RBPMS: variants seen among roughly 807,000 people sequenced by gnomAD.
RBPMS encodes RNA-binding protein with multiple splicing.
RBPMS carries 7 observed loss-of-function variants against 26.8 expected under a neutral mutation model. That is an observed-to-expected ratio of 0.26 (90% CI 0.15 to 0.49). The LOEUF is 0.49. RBPMS is among the 20% of genes least tolerant of loss of function. RBPMS has a pLI of 0.98. For synonymous variants in RBPMS, 96 were observed against 93.3 expected (o/e 1.03, Z -0.17); for missense variants, 186 against 250.0 (o/e 0.74, Z 1.73).
chr8:30,556,973 GAA>G (rs1372120618), intron 6 of RBPMS, among the ~76,000 whole-genome samples: 1 of 152,072 alleles, frequency 6.6e-6, no homozygotes, highest in Middle Eastern at 3.2e-3. Flanking sequence ...TCCTGCCTGG[GAA>G]AAGTTTCTGA....
At chr8:30,467,332 A>C (rs950590417) in intron 1 of RBPMS, among the ~76,000 whole-genome samples, 8 of 152,230 alleles carry the variant, frequency 5.3e-5, no homozygotes, top group Non-Finnish European at 1.5e-5. Context: ...ATTTAAAAAG[A>C]GTAAAAGAAG....
intron 4 of RBPMS, among the ~76,000 whole-genome samples, chr8:30,488,901 C>G (rs183724257): frequency 1.3e-5 from 2 of 152,122 alleles, no homozygotes; most frequent in Non-Finnish European, 2.9e-5. Context: ...CCGAATCCAG[C>G]GGACCTGATT....
At chr8:30,409,490 G>A (rs4458838) in intron 1 of RBPMS, among the ~76,000 whole-genome samples, 53,409 of 151,928 alleles carry the variant, frequency 0.35, 9,497 homozygotes, top group South Asian at 0.54. Context: ...ACCACGCCCG[G>A]CCTAGAGTGT....
chr8:30,568,951 G>A (rs376996867), intron 8 of RBPMS, among the ~76,000 whole-genome samples: 1 of 149,768 alleles, frequency 6.7e-6, no homozygotes, highest in Non-Finnish European at 1.5e-5. Context: ...ACTTGCTCCC[G>A]CCCTCCTCCT....
At chr8:30,500,319 C>A (rs1418554306) in intron 4 of RBPMS, among the ~76,000 whole-genome samples, 1 of 150,366 alleles carries the variant, frequency 6.7e-6, no homozygotes. Context: ...TACCCCCATA[C>A]TACCAAACAT....
At chr8:30,456,775 G>T (rs1445238397) in intron 1 of RBPMS, among the ~76,000 whole-genome samples, 1 of 152,156 alleles carries the variant, frequency 6.6e-6, no homozygotes, top group African/African-American at 2.4e-5. Flanking sequence ...ACAAAAATTA[G>T]CTGGGCATGG....
intron 4 of RBPMS, among the ~76,000 whole-genome samples, chr8:30,481,331 CTG>C (rs35009607): frequency 0.062 from 9,368 of 152,110 alleles, 930 homozygotes; most frequent in African/African-American, 0.21. Context: ...TCAAAAAAAA[CTG>C]TGTTTCCTCA....
chr8:30,571,239 G>A lies in RBPMS; in HGVS notation c.*714G>A, dbSNP rs1038067103. The A allele has an allele frequency of 6.6e-6, 1 of 152,140 alleles. No individual in the cohort carries two copies. The highest frequency in any genetic ancestry group is 2.4e-5 in the African/African-American group (1 of 41,398). The allele number at this position is 152,140 out of a possible 1,614,324, so 9.4% of individuals were successfully genotyped here. ...TCTACCTATGGCTTATTCACAACTG[G>A]GCAAGAAAACATCATTGGTAAGAAC... On this transcript the variant is annotated 3_prime_UTR_variant, in exon 9 of 9. Coordinates refer to ENST00000397323, the MANE Select transcript of RBPMS (RefSeq NM_001008710.3).
intron 1 of RBPMS, among the ~76,000 whole-genome samples, chr8:30,438,267 C>T (rs921960293): frequency 6.6e-6 from 1 of 152,186 alleles, no homozygotes; most frequent in Non-Finnish European, 1.5e-5. Flanking sequence ...TGGCCTTTTA[C>T]TTTCCATGTT....
intron 5 of RBPMS, among the ~76,000 whole-genome samples, chr8:30,522,235 T>A (rs1181355382): frequency 6.6e-6 from 1 of 150,754 alleles, no homozygotes; most frequent in Non-Finnish European, 1.5e-5. Flanking sequence ...GGAGTTCTAG[T>A]CCAGCTTGGG....
At chr8:30,428,107 T>TCCGC (rs1020857614) in intron 1 of RBPMS, among the ~76,000 whole-genome samples, 16 of 141,768 alleles carry the variant, frequency 1.1e-4, no homozygotes, top group African/African-American at 4.2e-4. Context: ...CTCTGCAACC[T>TCCGC]CCGCTTCCTG....
At chr8:30,506,857 A>C (rs996392905) in intron 5 of RBPMS, among the ~76,000 whole-genome samples, 7 of 152,218 alleles carry the variant, frequency 4.6e-5, no homozygotes, top group Non-Finnish European at 8.8e-5. Context: ...TGAACTCTCA[A>C]TTCTCCATAA....
At chr8:30,388,043 G>A (rs1807318914) in intron 1 of RBPMS, among the ~76,000 whole-genome samples, 1 of 152,124 alleles carries the variant, frequency 6.6e-6, no homozygotes. Context: ...AGTTGTGTAA[G>A]AGAGATGATA....
intron 5 of RBPMS, among the ~76,000 whole-genome samples, chr8:30,517,291 A>G (rs10503869): frequency 0.051 from 7,700 of 150,468 alleles, 280 homozygotes; most frequent in South Asian, 0.1. Flanking sequence ...GGCAGAAATG[A>G]TGGTCGCTTA....
chr8:30,389,067 C>A (rs1294207766), intron 1 of RBPMS, among the ~76,000 whole-genome samples: 1 of 152,128 alleles, frequency 6.6e-6, no homozygotes, highest in African/African-American at 2.4e-5. Flanking sequence ...GATGTGGCAA[C>A]CTCAAATTTT....
intron 1 of RBPMS, among the ~76,000 whole-genome samples, chr8:30,464,753 AAG>A (rs1266805501): frequency 6.6e-6 from 1 of 152,202 alleles, no homozygotes; most frequent in Non-Finnish European, 1.5e-5. Flanking sequence ...ATTATGCAAA[AAG>A]AGAAAGGAAG....
At chr8:30,463,330 A>G (rs1816150506) in intron 1 of RBPMS, among the ~76,000 whole-genome samples, 1 of 152,226 alleles carries the variant, frequency 6.6e-6, no homozygotes, top group African/African-American at 2.4e-5. Flanking sequence ...ATAAGGTTGG[A>G]ATCACAACAT....
At position 30,511,486 on chromosome 8, in the gene RBPMS, AATATAT is replaced by A. The variant is rs869100800; in HGVS notation, c.397+7085_397+7090del. On this transcript the variant is annotated intron_variant, in intron 5 of 8. Coordinates refer to ENST00000397323, the MANE Select transcript of RBPMS (RefSeq NM_001008710.3). Reference sequence around the variant, plus strand: ...AACAAAAAAAGAAAAAAAAAAAAAAAATATATATATATATATATATATATATATATA... The same window carrying A: ...AACAAAAAAAGAAAAAAAAAAAAAAAATATATATATATATATATATATATA... 5.1e-3 allele frequency among the ~76,000 whole-genome samples: 120 copies of A among 23,448 alleles called. 1 individual carries two copies. The highest frequency in any genetic ancestry group is 8.9e-3 in the South Asian group (10 of 1,124). 15.4% of individuals were successfully genotyped at this position (23,448 alleles called of 152,430 possible). A position where few individuals can be genotyped will look rare whatever the true frequency, so the allele number is the denominator to read the frequency against.
intron 5 of RBPMS, among the ~76,000 whole-genome samples, chr8:30,514,726 A>G (rs1372413465): frequency 9.0e-6 from 1 of 110,906 alleles, no homozygotes; most frequent in Non-Finnish European, 1.8e-5. Context: ...GGGTTTCCCC[A>G]TGTTGGCCAC....
Sources: gnomAD v4.1 joint callset for allele counts (sites outside exome capture counted in the v4.1 genomes callset) on GRCh38, gnomAD v4.1.1 for gene constraint, MANE v1.5 for transcripts, NCBI Gene and HGNC (gene_info 2026-07-23, HGNC 2026-07-21) for gene names.